NFS1: variants seen among roughly 807,000 people sequenced by gnomAD.
NFS1 encodes the protein NFS1 cysteine desulfurase.
Under a neutral mutation model 57.3 loss-of-function variants are expected in NFS1, and 26 were observed. The ratio of observed to expected loss-of-function variants is 0.45; its 90% CI spans 0.33 to 0.63. The LOEUF (loss-of-function observed/expected upper bound fraction) is 0.63. Ranked by LOEUF, NFS1 falls within the 20% of genes least tolerant of loss-of-function variation. The probability of loss-of-function intolerance (pLI) is 0.02; values close to 1 mark genes in which losing one functional copy is unlikely to be tolerated. For missense variants in NFS1, 505 were observed against 605.8 expected (o/e 0.83, Z 1.75); for synonymous variants, 209 against 216.3 (o/e 0.97, Z 0.30).
Position 35,674,091 on chromosome 20 carries a change from T to C in NFS1, c.1136+259A>G. ...TAGAGGCCTGTAACAGAACTGCTAG[T>C]GTAACCCACAACAGACACATACATC... On this transcript the variant is annotated intron_variant, in intron 10 of 12. Coordinates refer to ENST00000374092, the MANE Select transcript of NFS1 (RefSeq NM_021100.5). 6.1e-6 allele frequency: 3 copies of C among 492,886 alleles called. No homozygotes were observed. The South Asian group carries it at 6.5e-5, about 11-fold the overall frequency. The allele number at this position is 492,886 out of a possible 1,614,324, so 30.5% of individuals were successfully genotyped here.
intron 7 of NFS1, among the ~76,000 whole-genome samples, chr20:35,680,414 G>C (rs190520096): frequency 1.5e-4 from 23 of 152,312 alleles, no homozygotes; most frequent in Non-Finnish European, 2.6e-4. Context: ...GCACATCATA[G>C]TGGGGAAAAC....
chr20:35,685,088 T>C (rs994072835), intron 5 of NFS1, among the ~76,000 whole-genome samples: 1 of 151,594 alleles, frequency 6.6e-6, no homozygotes, highest in Non-Finnish European at 1.5e-5. Flanking sequence ...GGTTTTACCA[T>C]GTTGGCCAGG....
At chr20:35,681,012 C>A in intron 6 of NFS1, 141 bp from the exon 7 acceptor site, 1 of 596,118 alleles carries the variant, frequency 1.7e-6, no homozygotes. Flanking sequence ...ACCCCTTCTC[C>A]TTCCTCTTTT....
chr20:35,669,281 G>A lies in NFS1; in HGVS notation c.*341C>T, dbSNP rs1441919498. On this transcript the variant is annotated 3_prime_UTR_variant, in exon 13 of 13. Coordinates refer to ENST00000374092, the MANE Select transcript of NFS1 (RefSeq NM_021100.5). ...CTCAAATGTCCATGTAGAGCATCAT[G>A]GTCCCTGACCAAAGAGACTTCTTCT... 1.9e-5 allele frequency: 4 copies of A among 208,798 alleles called. No homozygotes were observed. The highest frequency in any genetic ancestry group is 3.8e-5 in the Non-Finnish European group (4 of 104,322). The allele number at this position is 208,798 out of a possible 1,614,324, so 12.9% of individuals were successfully genotyped here.
intron 12 of NFS1, among the ~76,000 whole-genome samples, chr20:35,671,346 T>C (rs2034650575): frequency 6.6e-6 from 1 of 152,094 alleles, no homozygotes; most frequent in South Asian, 2.1e-4. Flanking sequence ...CATGATCCGC[T>C]CACCTCGGCC....
At position 35,673,631 on chromosome 20, in the gene NFS1, G is replaced by A. The variant is rs1220896220; in HGVS notation, c.1190C>T (p.Thr397Ile). The A allele has an allele frequency of 6.2e-7, 1 of 1,613,860 alleles. No homozygotes were observed. The highest frequency in any genetic ancestry group is 2.2e-5 in the East Asian group (1 of 44,882). The change falls in exon 11 of 13, where the codon ACT (threonine) becomes ATT (isoleucine). Residue 397 changes from threonine (T) to isoleucine (I), a missense_variant. Thr to Ile is a moderately conservative substitution (Grantham distance 89, BLOSUM62 -1). Coordinates refer to ENST00000374092, the MANE Select transcript of NFS1 (RefSeq NM_021100.5). ...EPSYVLRAIGTDEDLAHSSIR... is the reference protein window; with the variant it reads ...EPSYVLRAIGIDEDLAHSSIR... ...AGAAGAGTGCGCTAAATCCTCATCA[G>A]TGCCAATTGCTCTAAGCACATAAGA...
At chr20:35,678,366 T>C (rs1262154848) in intron 7 of NFS1, among the ~76,000 whole-genome samples, 2 of 136,670 alleles carry the variant, frequency 1.5e-5, no homozygotes, top group African/African-American at 2.8e-5. Flanking sequence ...AAAAATAAAA[T>C]AAAATACAAA....
intron 7 of NFS1, among the ~76,000 whole-genome samples, chr20:35,678,550 T>G (rs1197266750): frequency 7.3e-6 from 1 of 136,596 alleles, no homozygotes; most frequent in East Asian, 2.2e-4. Flanking sequence ...AAAAAAAAAT[T>G]AGCCAGGCAT....
chr20:35,674,700 G>A, intron 8 of NFS1, 83 bp from the exon 9 acceptor site: 1 of 1,067,984 alleles, frequency 9.4e-7, no homozygotes, highest in South Asian at 1.3e-5. Context: ...TCCTATAACT[G>A]GAAGTGACTA....
At chr20:35,692,390 T>A (rs1294311003) in intron 4 of NFS1, 46 of 179,448 alleles carry the variant, frequency 2.6e-4, no homozygotes, top group Non-Finnish European at 1.0e-4. Context: ...AATAAATAAA[T>A]TAATTAATTA....
chr20:35,696,239 A>G (rs902520502), intron 4 of NFS1, 138 bp downstream of exon 4: 2 of 686,110 alleles, frequency 2.9e-6, no homozygotes, highest in African/African-American at 3.6e-5. Context: ...GCAACAAATC[A>G]GAAAGACTGC....
At chr20:35,681,244 A>C (rs1438350161) in intron 6 of NFS1, among the ~76,000 whole-genome samples, 1 of 147,886 alleles carries the variant, frequency 6.8e-6, no homozygotes, top group Non-Finnish European at 1.5e-5. Context: ...AAAAAAAAAA[A>C]ACAAGATTAA....
intron 5 of NFS1, among the ~76,000 whole-genome samples, chr20:35,686,180 C>T (rs556852341): frequency 6.1e-4 from 93 of 151,524 alleles, no homozygotes; most frequent in African/African-American, 2.2e-3. Flanking sequence ...AACTGGTCAC[C>T]TCGGCCTCCA....
intron 5 of NFS1, among the ~76,000 whole-genome samples, chr20:35,685,584 C>A (rs1157563630): frequency 6.8e-6 from 1 of 146,104 alleles, no homozygotes; most frequent in Non-Finnish European, 1.5e-5. Flanking sequence ...AGCAGCCGGG[C>A]GCAGTGGCTC....
chr20:35,691,106 G>A (rs551576841), intron 4 of NFS1, among the ~76,000 whole-genome samples: 18 of 152,182 alleles, frequency 1.2e-4, no homozygotes, highest in East Asian at 7.7e-4. Context: ...CAATTTTGCT[G>A]TGAACCTAAA....
At position 35,669,781 on chromosome 20, in the gene NFS1, T is replaced by A. The variant is rs185646003; in HGVS notation, c.1311-96A>T. On this transcript the variant is annotated intron_variant, in intron 12 of 12. Coordinates refer to ENST00000374092, the MANE Select transcript of NFS1 (RefSeq NM_021100.5). ...CTGAGCAATGGCTTGCCTCCTTCTG[T>A]CCCTGTCTGTCCTCTGCCTCTTGCC... 1.9e-4 allele frequency: 208 copies of A among 1,101,356 alleles called. No individual in the cohort carries two copies. The Middle Eastern group carries it at 3.7e-3, about 20-fold the overall frequency. The allele number at this position is 1,101,356 out of a possible 1,614,324, so 68.2% of individuals were successfully genotyped here.
intron 7 of NFS1, 130 bp from the exon 8 acceptor site, chr20:35,675,332 G>A (rs967132545): frequency 2.6e-5 from 26 of 1,006,672 alleles, no homozygotes; most frequent in East Asian, 1.1e-4. Context: ...AATAAAAAAC[G>A]TTAAGGAAAA....
chr20:35,688,294 C>T (rs1269123653), intron 5 of NFS1, among the ~76,000 whole-genome samples: 1 of 149,544 alleles, frequency 6.7e-6, no homozygotes, highest in Non-Finnish European at 1.5e-5. Context: ...GTGGCTCTTG[C>T]CTATAATCCC....
intron 4 of NFS1, 66 bp from the exon 5 acceptor site, chr20:35,690,631 A>C (rs2035026494): frequency 6.9e-3 from 9,975 of 1,452,080 alleles, no homozygotes; most frequent in Non-Finnish European, 8.7e-3. Context: ...CTTCAATCTC[A>C]TTTGTAAAGG....
Sources: gnomAD v4.1 joint callset for allele counts (sites outside exome capture counted in the v4.1 genomes callset) on GRCh38, gnomAD v4.1.1 for gene constraint, MANE v1.5 for transcripts, NCBI Gene and HGNC (gene_info 2026-07-23, HGNC 2026-07-21) for gene names.